The following SLC25A48 variants were observed in gnomAD, a reference collection of about 807,000 sequenced individuals.
SLC25A48 encodes the protein solute carrier family 25 member 48, also known as CTC-321K16.1.
In SLC25A48, 29 loss-of-function variants were observed where a neutral mutation model predicts 32.2. The observed-to-expected ratio is 0.90, with a 90% CI of 0.67 to 1.23. SLC25A48 has a LOEUF of 1.23. Ranked by LOEUF, SLC25A48 falls within the 50% of genes most tolerant of loss-of-function variation. The probability of loss-of-function intolerance (pLI) is 0.00; values close to 1 mark genes in which losing one functional copy is unlikely to be tolerated. For missense variants in SLC25A48, 399 were observed against 422.7 expected, an observed-to-expected ratio of 0.94 and a Z score of 0.49; for synonymous variants, 164 against 172.3, an observed-to-expected ratio of 0.95 and a Z score of 0.38.
intron 4 of SLC25A48, among the ~76,000 whole-genome samples, chr5:135,866,183 C>T (rs1320383191): frequency 1.3e-5 from 2 of 152,238 alleles, no homozygotes; most frequent in South Asian, 2.1e-4. Flanking sequence ...TGCTGTGTTC[C>T]CTGTCCCACC....
intron 3 of SLC25A48, among the ~76,000 whole-genome samples, chr5:135,774,019 G>A (rs976612363): frequency 4.6e-5 from 7 of 151,400 alleles, no homozygotes; most frequent in African/African-American, 7.3e-5. Context: ...TCCCAATATC[G>A]CAGGCAGTCT....
At chr5:135,808,223 G>A (rs903466003) in intron 3 of SLC25A48, among the ~76,000 whole-genome samples, 1 of 149,660 alleles carries the variant, frequency 6.7e-6, no homozygotes, top group Non-Finnish European at 1.5e-5. Flanking sequence ...ACATAGTGTG[G>A]TAACACTGTA....
chr5:135,602,588 A>G (rs1661415765), intron 1 of SLC25A48, among the ~76,000 whole-genome samples: 1 of 145,630 alleles, frequency 6.9e-6, no homozygotes, highest in Non-Finnish European at 1.5e-5. Flanking sequence ...CAGTCCTTGC[A>G]TGGAGTTTTC....
At chr5:135,715,832 A>G (rs1468343590) in intron 3 of SLC25A48, among the ~76,000 whole-genome samples, 2 of 152,210 alleles carry the variant, frequency 1.3e-5, no homozygotes, top group Non-Finnish European at 2.9e-5. Context: ...CCTGTATTAT[A>G]AAACTGAAGA....
At chr5:135,794,213 C>A (rs181790941) in intron 3 of SLC25A48, among the ~76,000 whole-genome samples, 1 of 151,594 alleles carries the variant, frequency 6.6e-6, no homozygotes, top group East Asian at 1.9e-4. Context: ...GTGTACACCC[C>A]TTCTGTGATA....
intron 3 of SLC25A48, among the ~76,000 whole-genome samples, chr5:135,640,596 C>T (rs801573): frequency 0.28 from 42,313 of 151,890 alleles, 6,418 homozygotes; most frequent in East Asian, 0.62. Context: ...ATCCTTAACA[C>T]GTTATAAGGA....
At chr5:135,834,645 T>G, upstream of SLC25A48, 1 of 584,370 alleles carries the variant, frequency 1.7e-6, no homozygotes, top group South Asian at 2.3e-5. Flanking sequence ...GGGGGCGTGA[T>G]GTCAGCCGCC....
At chr5:135,619,217 G>A (rs1318769686) in intron 1 of SLC25A48, among the ~76,000 whole-genome samples, 1 of 151,286 alleles carries the variant, frequency 6.6e-6, no homozygotes, top group Admixed American at 6.6e-5. Flanking sequence ...TAAAATTTTT[G>A]TTTGACTGGA....
At chr5:135,762,943 AGT>A (rs1424590896) in intron 3 of SLC25A48, among the ~76,000 whole-genome samples, 1 of 151,710 alleles carries the variant, frequency 6.6e-6, no homozygotes, top group African/African-American at 2.4e-5. Context: ...AGTAGGGGTA[AGT>A]GTGTGTGACA....
chr5:135,738,352 G>C (rs1755425693), intron 3 of SLC25A48, among the ~76,000 whole-genome samples: 1 of 152,076 alleles, frequency 6.6e-6, no homozygotes, highest in African/African-American at 2.4e-5. Flanking sequence ...AATTAATTCT[G>C]CTTAGGTTAG....
intron 4 of SLC25A48, among the ~76,000 whole-genome samples, chr5:135,861,059 G>T (rs950476190): frequency 6.6e-6 from 1 of 152,162 alleles, no homozygotes; most frequent in Non-Finnish European, 1.5e-5. Context: ...AACATTGAAA[G>T]TAGAGGTAGA....
chr5:135,667,275 G>A (rs1448587492), intron 3 of SLC25A48, among the ~76,000 whole-genome samples: 1 of 152,160 alleles, frequency 6.6e-6, no homozygotes, highest in African/African-American at 2.4e-5. Context: ...CTGGTTCAGA[G>A]CTCTAAAATG....
At chr5:135,659,658 G>A (rs1424246252) in intron 3 of SLC25A48, among the ~76,000 whole-genome samples, 1 of 152,150 alleles carries the variant, frequency 6.6e-6, no homozygotes, top group Non-Finnish European at 1.5e-5. Context: ...CTGAGACTGG[G>A]TGATTTATAA....
chr5:135,591,649 G>A (rs186247351), intron 1 of SLC25A48, among the ~76,000 whole-genome samples: 226 of 152,270 alleles, frequency 1.5e-3, no homozygotes, highest in African/African-American at 4.9e-3. Context: ...GCTTTGGGTG[G>A]CCAGAGTGCA....
chr5:135,590,927 T>C (rs755668291), intron 1 of SLC25A48, among the ~76,000 whole-genome samples: 34 of 152,248 alleles, frequency 2.2e-4, no homozygotes, highest in Non-Finnish European at 3.1e-4. Flanking sequence ...AATAAATGAC[T>C]TTTTGGAAGT....
At chr5:135,742,190 A>G (rs6885640) in intron 3 of SLC25A48, among the ~76,000 whole-genome samples, 151,366 of 152,340 alleles carry the variant, frequency 0.99, 75,199 homozygotes, top group Middle Eastern at 1. Context: ...AGTGATTCTC[A>G]TGGCTCATCC....
chr5:135,721,624 T>A (rs1754958061), intron 3 of SLC25A48, among the ~76,000 whole-genome samples: 1 of 152,132 alleles, frequency 6.6e-6, no homozygotes, highest in South Asian at 2.1e-4. Context: ...AGCTGGATGG[T>A]GTGAGCACTG....
intron 3 of SLC25A48, chr5:135,742,638 G>C (rs1012782794): frequency 2.6e-5 from 16 of 612,718 alleles, no homozygotes; most frequent in Non-Finnish European, 4.0e-5. Flanking sequence ...ACCGAACCTC[G>C]AATGTCACTC....
intron 3 of SLC25A48, chr5:135,671,587 C>T (rs927099786): frequency 1.3e-5 from 2 of 152,176 alleles, no homozygotes; most frequent in African/African-American, 4.8e-5. Context: ...TCGCTGCTCC[C>T]ATCTGGTGGG....
Sources: gnomAD v4.1 joint callset for allele counts (sites outside exome capture counted in the v4.1 genomes callset) on GRCh38, gnomAD v4.1.1 for gene constraint, MANE v1.5 for transcripts, NCBI Gene and HGNC (gene_info 2026-07-23, HGNC 2026-07-21) for gene names.